Variants in TNR observed in about 807,000 individuals in gnomAD.
TNR encodes the protein tenascin R, also known as tenascin-R.
TNR carries 45 observed loss-of-function variants against 150.4 expected under a neutral mutation model. The observed-to-expected ratio is 0.30, with a 90% confidence interval of 0.24 to 0.38. The LOEUF is 0.38. Among genes scored for constraint, TNR ranks in the 10% least tolerant of loss-of-function variants. TNR has a pLI of 1.00. For synonymous variants in TNR, 687 were observed against 678.4 expected (o/e 1.01, Z -0.20); for missense variants, 1,544 against 1,759.1 (o/e 0.88, Z 2.19).
At chr1:175,734,000 TCC>T (rs1443331920) in intron 1 of TNR, among the ~76,000 whole-genome samples, 1 of 152,156 alleles carries the variant, frequency 6.6e-6, no homozygotes, top group African/African-American at 2.4e-5. Context: ...CAGCCAACCT[TCC>T]CTTGAGCTCA....
chr1:175,327,741 C>G (rs1649488932), intron 21 of TNR, among the ~76,000 whole-genome samples: 3 of 152,168 alleles, frequency 2.0e-5, no homozygotes, highest in African/African-American at 7.2e-5. Context: ...CATGGGAATC[C>G]CAGTCGAATG....
At chr1:175,514,329 A>G (rs1390903242) in intron 2 of TNR, among the ~76,000 whole-genome samples, 1 of 152,258 alleles carries the variant, frequency 6.6e-6, no homozygotes, top group Non-Finnish European at 1.5e-5. Context: ...TGTACCCTGC[A>G]TGGAAAATGC....
At position 175,335,716 on chromosome 1, in the gene TNR, C is replaced by A; in HGVS notation, c.3626G>T (p.Trp1209Leu). ...VGFGNVEDEF[W>L]LGLDNIHRIT... ...AAGCAATAAGGAGGCTTTACCCAGC[C>A]AGAACTCATCCTCCACGTTCCCGAA... Residue 1209 changes from tryptophan to leucine, a missense_variant, in exon 20 of 23, where the codon TGG (tryptophan) becomes TTG (leucine). This residue lies in a region of TNR where 290 missense variants were observed against 429.7 expected (regional missense o/e 0.67). Coordinates refer to ENST00000367674, the MANE Select transcript of TNR (RefSeq NM_003285.3). The A allele has an allele frequency of 6.2e-7, 1 of 1,613,766 alleles. No individual in the cohort carries two copies. The highest frequency in any genetic ancestry group is 8.5e-7 in the Non-Finnish European group (1 of 1,179,902).
At chr1:175,518,073 C>T (rs1022753685) in intron 2 of TNR, among the ~76,000 whole-genome samples, 1 of 151,990 alleles carries the variant, frequency 6.6e-6, no homozygotes, top group African/African-American at 2.4e-5. Context: ...TAAATATCCC[C>T]TTCATTCATT....
intron 1 of TNR, among the ~76,000 whole-genome samples, chr1:175,741,891 C>A (rs895596969): frequency 3.3e-5 from 5 of 152,134 alleles, no homozygotes; most frequent in South Asian, 2.1e-4. Flanking sequence ...CTATGTATCT[C>A]CCCTGTCTCA....
At chr1:175,686,663 C>A (rs1666210893) in intron 1 of TNR, among the ~76,000 whole-genome samples, 1 of 152,022 alleles carries the variant, frequency 6.6e-6, no homozygotes, top group Non-Finnish European at 1.5e-5. Flanking sequence ...TTTTGGAGTC[C>A]CCAGTGTTTA....
intron 2 of TNR, among the ~76,000 whole-genome samples, chr1:175,442,537 A>T (rs1328089779): frequency 6.6e-6 from 1 of 151,760 alleles, no homozygotes; most frequent in Non-Finnish European, 1.5e-5. Context: ...CAACTCAGAC[A>T]CAAACAGAGA....
chr1:175,477,739 C>T (rs1657610868), intron 2 of TNR, among the ~76,000 whole-genome samples: 2 of 152,338 alleles, frequency 1.3e-5, no homozygotes, highest in South Asian at 4.1e-4. Context: ...GAAGGCTGTT[C>T]TAACGGAGGC....
chr1:175,456,624 A>G (rs1000927494), intron 2 of TNR, among the ~76,000 whole-genome samples: 5 of 83,490 alleles, frequency 6.0e-5, no homozygotes, highest in Non-Finnish European at 1.1e-4. Context: ...AATGTTTTGC[A>G]TGAGAGATTT....
At chr1:175,619,281 A>G (rs1014209008) in intron 1 of TNR, among the ~76,000 whole-genome samples, 1 of 152,170 alleles carries the variant, frequency 6.6e-6, no homozygotes, top group Non-Finnish European at 1.5e-5. Context: ...TGTCCAAAGG[A>G]CCAAAAGGAA....
intron 1 of TNR, among the ~76,000 whole-genome samples, chr1:175,729,517 C>T (rs1321635098): frequency 6.6e-6 from 1 of 152,048 alleles, no homozygotes; most frequent in Non-Finnish European, 1.5e-5. Flanking sequence ...CAACGTCGAA[C>T]TTCTGGCCTC....
chr1:175,732,936 G>A (rs1405280284), intron 1 of TNR, among the ~76,000 whole-genome samples: 1 of 152,190 alleles, frequency 6.6e-6, no homozygotes, highest in Non-Finnish European at 1.5e-5. Flanking sequence ...GAAAATAGAG[G>A]TGGAGCTATT....
At chr1:175,535,467 T>C (rs879542605) in intron 1 of TNR, among the ~76,000 whole-genome samples, 94 of 152,158 alleles carry the variant, frequency 6.2e-4, no homozygotes, top group Admixed American at 2.2e-3. Context: ...TTGTTGTTGT[T>C]GTTGTTGTTT....
chr1:175,579,205 C>T (rs868052490), intron 1 of TNR, among the ~76,000 whole-genome samples: 1 of 146,160 alleles, frequency 6.8e-6, no homozygotes. Context: ...TCCTTCCTTC[C>T]TTCTTTCCTT....
At chr1:175,573,491 G>T (rs1182774574) in intron 1 of TNR, among the ~76,000 whole-genome samples, 1 of 152,220 alleles carries the variant, frequency 6.6e-6, no homozygotes, top group Non-Finnish European at 1.5e-5. Context: ...CTGGAGAGTA[G>T]CTTGTCACAC....
intron 2 of TNR, among the ~76,000 whole-genome samples, chr1:175,475,431 G>A (rs910684053): frequency 6.6e-6 from 1 of 152,134 alleles, no homozygotes; most frequent in African/African-American, 2.4e-5. Flanking sequence ...GCTTTTCAGG[G>A]GTGACAGGAA....
At chr1:175,550,917 T>A (rs1486136415) in intron 1 of TNR, among the ~76,000 whole-genome samples, 1 of 152,124 alleles carries the variant, frequency 6.6e-6, no homozygotes, top group African/African-American at 2.4e-5. Flanking sequence ...ATGTTTAAAT[T>A]GACACCATGT....
chr1:175,573,117 G>A (rs577775747), intron 1 of TNR, among the ~76,000 whole-genome samples: 1 of 152,322 alleles, frequency 6.6e-6, no homozygotes, highest in South Asian at 2.1e-4. Context: ...GCGTGCCTAA[G>A]CAGACGTTGA....
At chr1:175,477,267 G>A (rs962756773) in intron 2 of TNR, among the ~76,000 whole-genome samples, 1 of 152,136 alleles carries the variant, frequency 6.6e-6, no homozygotes, top group African/African-American at 2.4e-5. Flanking sequence ...TAGCTCCCGC[G>A]TAAGAGGAGA....
Sources: allele counts gnomAD v4.1 joint callset (sites outside exome capture counted in the v4.1 genomes callset), GRCh38; gene constraint gnomAD v4.1.1; regional missense constraint gnomAD v4.1.1; transcripts MANE v1.5; gene names NCBI Gene and HGNC (gene_info 2026-07-23, HGNC 2026-07-21).